The following CHCHD3 variants were observed in gnomAD, a reference collection of about 807,000 sequenced individuals.
CHCHD3 encodes the protein coiled-coil-helix-coiled-coil-helix domain containing 3, also known as MICOS complex subunit MIC19.
Under a neutral mutation model 38.2 loss-of-function variants are expected in CHCHD3, and 20 were observed. The ratio of observed to expected loss-of-function variants is 0.52; its 90% CI spans 0.37 to 0.76. CHCHD3 has a LOEUF of 0.76. CHCHD3 is among the 30% of genes least tolerant of loss of function. The pLI is 0.00. For synonymous variants in CHCHD3, 82 were observed against 100.0 expected, an observed-to-expected ratio of 0.82 and a Z score of 1.07; for missense variants, 245 against 279.2, an observed-to-expected ratio of 0.88 and a Z score of 0.87.
intron 4 of CHCHD3, among the ~76,000 whole-genome samples, chr7:132,923,685 CAT>C (rs750979057): frequency 1.1e-4 from 16 of 152,182 alleles, no homozygotes; most frequent in African/African-American, 2.6e-4. Context: ...TCCAAATAAA[CAT>C]ATTTTTTCAA....
intron 6 of CHCHD3, among the ~76,000 whole-genome samples, chr7:132,810,025 CT>C (rs1360027945): frequency 6.6e-6 from 1 of 152,118 alleles, no homozygotes; most frequent in Non-Finnish European, 1.5e-5. Context: ...AGAAAATGGT[CT>C]CTATTTGGGA....
intron 1 of CHCHD3, among the ~76,000 whole-genome samples, chr7:133,078,408 G>T (rs1216353040): frequency 1.3e-5 from 2 of 152,128 alleles, no homozygotes; most frequent in Non-Finnish European, 1.5e-5. Context: ...GAGCCTGGTG[G>T]AGCGGCACAT....
At chr7:132,876,627 C>CA (rs757532925) in intron 5 of CHCHD3, among the ~76,000 whole-genome samples, 1 of 152,156 alleles carries the variant, frequency 6.6e-6, no homozygotes, top group African/African-American at 2.4e-5. Context: ...CAAGCACTCA[C>CA]AAAAAAGCAA....
intron 7 of CHCHD3, among the ~76,000 whole-genome samples, chr7:132,794,778 G>C (rs1238423072): frequency 6.6e-6 from 1 of 152,024 alleles, no homozygotes; most frequent in Non-Finnish European, 1.5e-5. Context: ...AGGAAAGAAG[G>C]GGAAAAATAA....
At chr7:132,866,577 A>G (rs909550558) in intron 5 of CHCHD3, among the ~76,000 whole-genome samples, 1 of 152,196 alleles carries the variant, frequency 6.6e-6, no homozygotes, top group Non-Finnish European at 1.5e-5. Flanking sequence ...AGAATCATGG[A>G]TGCATTTTCA....
chr7:133,020,626 T>C (rs770750498), intron 3 of CHCHD3, among the ~76,000 whole-genome samples: 3 of 152,190 alleles, frequency 2.0e-5, no homozygotes, highest in Non-Finnish European at 4.4e-5. Context: ...CATCTGAAAA[T>C]TGCTATCTGC....
At chr7:133,051,578 C>G (rs1814163719) in intron 2 of CHCHD3, among the ~76,000 whole-genome samples, 1 of 152,000 alleles carries the variant, frequency 6.6e-6, no homozygotes, top group Non-Finnish European at 1.5e-5. Flanking sequence ...TACTCTTGCA[C>G]CTTGATCATT....
chr7:133,027,190 C>T (rs963206621), intron 2 of CHCHD3, among the ~76,000 whole-genome samples: 3 of 151,936 alleles, frequency 2.0e-5, no homozygotes, highest in South Asian at 2.1e-4. Flanking sequence ...CTGTCCACCT[C>T]GACCACCCAA....
chr7:133,023,782 G>A (rs569353981), intron 3 of CHCHD3, among the ~76,000 whole-genome samples: 18 of 152,066 alleles, frequency 1.2e-4, no homozygotes, highest in Middle Eastern at 3.4e-3. Context: ...TGGATAGCTC[G>A]TCAACATCTT....
chr7:132,988,194 C>G (rs1812172804), intron 3 of CHCHD3, among the ~76,000 whole-genome samples: 1 of 151,920 alleles, frequency 6.6e-6, no homozygotes, highest in Non-Finnish European at 1.5e-5. Context: ...GAAACTTACC[C>G]ATAGTCAAAT....
intron 1 of CHCHD3, among the ~76,000 whole-genome samples, chr7:133,078,559 T>C (rs1426307818): frequency 1.3e-5 from 2 of 152,118 alleles, no homozygotes; most frequent in Non-Finnish European, 2.9e-5. Context: ...ACCCAAGTCA[T>C]TATATGAAAA....
At chr7:132,891,354 A>G (rs1267343981) in intron 4 of CHCHD3, among the ~76,000 whole-genome samples, 1 of 152,238 alleles carries the variant, frequency 6.6e-6, no homozygotes, top group Non-Finnish European at 1.5e-5. Context: ...ATTTGGAGGC[A>G]TAAACATCAG....
intron 4 of CHCHD3, among the ~76,000 whole-genome samples, chr7:132,967,335 C>T (rs970474367): frequency 6.6e-6 from 1 of 152,124 alleles, no homozygotes; most frequent in Admixed American, 6.5e-5. Flanking sequence ...TGACACAGTT[C>T]CTTGGAGAAT....
chr7:132,970,186 C>T (rs1585685637), intron 4 of CHCHD3, among the ~76,000 whole-genome samples: 1 of 152,202 alleles, frequency 6.6e-6, no homozygotes, highest in African/African-American at 2.4e-5. Flanking sequence ...CCTATCCCCA[C>T]GTTTCCAAGC....
intron 5 of CHCHD3, among the ~76,000 whole-genome samples, chr7:132,852,778 G>C (rs1217566397): frequency 6.6e-6 from 1 of 152,172 alleles, no homozygotes; most frequent in Non-Finnish European, 1.5e-5. Context: ...ATCCTGAGGA[G>C]AGTAGCTGGA....
Position 132,990,951 on chromosome 7 carries a change from T to TACACACACACACACACACACAC in CHCHD3, c.252-15687_252-15666dup, listed in dbSNP as rs768136991. On this transcript the variant is annotated intron_variant, in intron 3 of 7. Coordinates refer to ENST00000262570, the MANE Select transcript of CHCHD3 (RefSeq NM_017812.4). ...TTCTGCTCCCCTACACAGACACACA[T>TACACACACACACACACACACAC]ACACACACACACACACACACACACA... Among the ~76,000 whole-genome samples, 286 of 143,778 alleles carry TACACACACACACACACACACAC rather than the reference T, an allele frequency of 2.0e-3. 3 individuals are homozygous for TACACACACACACACACACACAC. The highest frequency in any genetic ancestry group is 7.2e-3 in the African/African-American group (273 of 37,706). 94.3% of individuals were successfully genotyped at this position (143,778 alleles called of 152,430 possible).
intron 6 of CHCHD3, among the ~76,000 whole-genome samples, chr7:132,825,542 T>G (rs913179845): frequency 2.0e-5 from 3 of 152,262 alleles, no homozygotes; most frequent in African/African-American, 7.2e-5. Flanking sequence ...CTAATTTTCT[T>G]CATTACACTA....
chr7:133,024,159 A>G (rs1415668315), intron 3 of CHCHD3, among the ~76,000 whole-genome samples: 1 of 152,232 alleles, frequency 6.6e-6, no homozygotes, highest in Non-Finnish European at 1.5e-5. Context: ...TGTATCACAC[A>G]CGATATTCAT....
chr7:133,041,046 C>G (rs956410011), intron 2 of CHCHD3, among the ~76,000 whole-genome samples: 3 of 152,162 alleles, frequency 2.0e-5, no homozygotes, highest in Admixed American at 6.5e-5. Context: ...CATGGCATCA[C>G]AGCAGAGCAG....
Sources: gnomAD v4.1 joint callset for allele counts (sites outside exome capture counted in the v4.1 genomes callset) on GRCh38, gnomAD v4.1.1 for gene constraint, MANE v1.5 for transcripts, NCBI Gene and HGNC (gene_info 2026-07-23, HGNC 2026-07-21) for gene names.